Variants in AUTS2 observed in about 807,000 individuals in gnomAD.
AUTS2 encodes activator of transcription and developmental regulator AUTS2, also known as autism susceptibility gene 2 protein.
A neutral mutation model predicts 112.4 loss-of-function variants in AUTS2; 17 were observed. The observed-to-expected ratio is 0.15, with a 90% CI of 0.10 to 0.23. AUTS2 has a LOEUF of 0.23. AUTS2 is among the 10% of genes least tolerant of loss of function. AUTS2 has a pLI of 1.00. For synonymous variants in AUTS2, 751 were observed against 702.7 expected (o/e 1.07, Z -1.09); for missense variants, 1,510 against 1,701.6 (o/e 0.89, Z 1.98).
At chr7:70,606,223 C>T (rs1049887461) in intron 5 of AUTS2, among the ~76,000 whole-genome samples, 9 of 152,164 alleles carry the variant, frequency 5.9e-5, no homozygotes, top group Non-Finnish European at 8.8e-5. Flanking sequence ...AAGTGAGCCT[C>T]GTCTAGATCT....
intron 2 of AUTS2, among the ~76,000 whole-genome samples, chr7:70,100,493 T>C (rs1196843611): frequency 6.6e-6 from 1 of 151,996 alleles, no homozygotes; most frequent in Non-Finnish European, 1.5e-5. Context: ...GTTTGTTACA[T>C]AGGTATACCT....
At chr7:69,774,669 A>G (rs959356506) in intron 1 of AUTS2, among the ~76,000 whole-genome samples, 19 of 152,264 alleles carry the variant, frequency 1.2e-4, no homozygotes, top group Admixed American at 8.5e-4. Context: ...ATAGAAATAT[A>G]TATCTTGGCA....
intron 4 of AUTS2, among the ~76,000 whole-genome samples, chr7:70,375,203 C>A (rs1483189570): frequency 1.3e-5 from 2 of 152,174 alleles, no homozygotes; most frequent in Non-Finnish European, 2.9e-5. Context: ...TGAAACAACG[C>A]ATATATGATA....
At chr7:69,635,357 C>G (rs1794467240) in intron 1 of AUTS2, among the ~76,000 whole-genome samples, 1 of 152,168 alleles carries the variant, frequency 6.6e-6, no homozygotes, top group South Asian at 2.1e-4. Flanking sequence ...AAGCACCTGC[C>G]AGTTTTAAGG....
chr7:70,312,192 T>C (rs1223928300), intron 4 of AUTS2, among the ~76,000 whole-genome samples: 2 of 152,180 alleles, frequency 1.3e-5, no homozygotes, highest in African/African-American at 4.8e-5. Context: ...AATAAGAAAG[T>C]TACTCTACTT....
chr7:70,576,932 A>C (rs1802196638), intron 5 of AUTS2, among the ~76,000 whole-genome samples: 1 of 152,146 alleles, frequency 6.6e-6, no homozygotes, highest in South Asian at 2.1e-4. Context: ...ACAGTTTGGG[A>C]AATGCTACTC....
intron 5 of AUTS2, among the ~76,000 whole-genome samples, chr7:70,565,599 G>A (rs533260398): frequency 6.6e-6 from 1 of 152,322 alleles, no homozygotes; most frequent in South Asian, 2.1e-4. Flanking sequence ...AGGATTGCCT[G>A]AGCACAGGAG....
intron 2 of AUTS2, among the ~76,000 whole-genome samples, chr7:70,084,107 CTG>C (rs1042991431): frequency 2.6e-5 from 4 of 152,034 alleles, no homozygotes; most frequent in Admixed American, 6.6e-5. Flanking sequence ...AACAAATTAA[CTG>C]TTTTTTGTCA....
chr7:70,496,690 C>T (rs1798537522), intron 5 of AUTS2, among the ~76,000 whole-genome samples: 2 of 143,028 alleles, frequency 1.4e-5, no homozygotes, highest in Admixed American at 7.0e-5. Context: ...CCCACTCACA[C>T]CACGTACACA....
intron 1 of AUTS2, among the ~76,000 whole-genome samples, chr7:69,673,367 T>C (rs1223225851): frequency 6.6e-6 from 1 of 152,206 alleles, no homozygotes; most frequent in African/African-American, 2.4e-5. Context: ...CATATGACCT[T>C]ATTCCCTGAA....
intron 4 of AUTS2, among the ~76,000 whole-genome samples, chr7:70,161,978 G>A (rs1194725963): frequency 6.6e-6 from 1 of 152,124 alleles, no homozygotes; most frequent in African/African-American, 2.4e-5. Flanking sequence ...GGATTACTAG[G>A]AGAATGATTA....
At chr7:70,396,440 G>A (rs1031052119) in intron 4 of AUTS2, among the ~76,000 whole-genome samples, 4 of 150,952 alleles carry the variant, frequency 2.6e-5, no homozygotes, top group Admixed American at 1.3e-4. Flanking sequence ...ACAGTGGCAC[G>A]ATCTCAGCTC....
At chr7:70,668,854 G>A (rs1299963211) in intron 5 of AUTS2, among the ~76,000 whole-genome samples, 1 of 152,218 alleles carries the variant, frequency 6.6e-6, no homozygotes, top group Non-Finnish European at 1.5e-5. Context: ...CTCAGCGCTA[G>A]AGGGCTTGGG....
intron 1 of AUTS2, among the ~76,000 whole-genome samples, chr7:69,660,021 C>T (rs1795724228): frequency 6.6e-6 from 1 of 152,206 alleles, no homozygotes. Flanking sequence ...AGAACCTCCA[C>T]CCTACTGAAA....
chr7:70,280,481 A>G (rs1248140343), intron 4 of AUTS2, among the ~76,000 whole-genome samples: 1 of 140,538 alleles, frequency 7.1e-6, no homozygotes, highest in African/African-American at 2.7e-5. Context: ...TATTTTTAGC[A>G]GAGACAGGGT....
chr7:70,636,869 G>A lies in AUTS2; in HGVS notation c.691-61700G>A, dbSNP rs147003844. 6.1e-3 allele frequency among the ~76,000 whole-genome samples: 928 copies of A among 151,910 alleles called. 10 individuals are homozygous for A. Among genetic ancestry groups the A allele is most frequent in the African/African-American group, 0.021 (879 of 41,448 alleles). On this transcript the variant is annotated intron_variant, in intron 5 of 18. Coordinates refer to ENST00000342771, the MANE Select transcript of AUTS2 (RefSeq NM_015570.4). The stretch of plus-strand genomic sequence containing the variant: ...TGTTGCCCAGGCTAGTCTTGAACTC[G>A]TGGCCTCAAGTGATCCTCCCACCTT...
intron 4 of AUTS2, among the ~76,000 whole-genome samples, chr7:70,405,376 G>A (rs1038140910): frequency 1.3e-5 from 2 of 152,160 alleles, no homozygotes; most frequent in African/African-American, 2.4e-5. Flanking sequence ...GTTTCATGGC[G>A]TTCGTACGTG....
intron 2 of AUTS2, among the ~76,000 whole-genome samples, chr7:70,053,214 G>A (rs1277136259): frequency 6.6e-6 from 1 of 152,036 alleles, no homozygotes; most frequent in Non-Finnish European, 1.5e-5. Context: ...TTGCTTTAGT[G>A]CTCTTAGATG....
chr7:70,732,616 C>G (rs374743449), intron 6 of AUTS2, among the ~76,000 whole-genome samples: 1 of 152,138 alleles, frequency 6.6e-6, no homozygotes, highest in Non-Finnish European at 1.5e-5. Flanking sequence ...TTCCTGTTCC[C>G]GCCTGGCTCT....
Sources: gnomAD v4.1 joint callset for allele counts (sites outside exome capture counted in the v4.1 genomes callset) on GRCh38, gnomAD v4.1.1 for gene constraint, MANE v1.5 for transcripts, NCBI Gene and HGNC (gene_info 2026-07-23, HGNC 2026-07-21) for gene names.